Variants in PDZRN3 observed in about 807,000 individuals in gnomAD.
PDZRN3 encodes the protein E3 ubiquitin-protein ligase PDZRN3.
In PDZRN3, 38 loss-of-function variants were observed where a neutral mutation model predicts 85.7. The ratio of observed to expected loss-of-function variants is 0.44; its 90% CI spans 0.34 to 0.58. PDZRN3 has a LOEUF of 0.58. PDZRN3 is among the 20% of genes least tolerant of loss of function. PDZRN3 has a pLI of 0.01. For missense variants in PDZRN3, 1,629 were observed against 1,506.4 expected (o/e 1.08, Z -1.35); for synonymous variants, 759 against 638.0 (o/e 1.19, Z -2.86).
chr3:73,624,120 C>G lies in PDZRN3; in HGVS notation c.706G>C (p.Ala236Pro). 1.4e-6 allele frequency: 2 copies of G among 1,465,802 alleles called. No individual in the cohort carries two copies. The highest frequency in any genetic ancestry group is 1.8e-6 in the Non-Finnish European group (2 of 1,116,714). 90.8% of individuals were successfully genotyped at this position (1,465,802 alleles called of 1,614,324 possible). A position where few individuals can be genotyped will look rare whatever the true frequency, so the allele number is the denominator to read the frequency against. ...RLDSLSRCVAAPPGGKGEETK... is the reference protein window; with the variant it reads ...RLDSLSRCVAPPPGGKGEETK... ...GCGCCTACCTTGCCGCCGGGCGGCGCGGCCACGCAGCGGCTGAGCGAGTCG... is the reference window on the plus strand; with the variant it reads ...GCGCCTACCTTGCCGCCGGGCGGCGGGGCCACGCAGCGGCTGAGCGAGTCG... The change falls in exon 1 of 10, where the codon GCG (alanine) becomes CCG (proline). Residue 236 changes from alanine (A) to proline (P), a missense_variant. By Grantham distance (27) the Ala-to-Pro change is conservative. Coordinates refer to ENST00000263666, the MANE Select transcript of PDZRN3 (RefSeq NM_015009.3).
chr3:73,405,095 G>T (rs1271347123), intron 3 of PDZRN3, among the ~76,000 whole-genome samples: 1 of 152,164 alleles, frequency 6.6e-6, no homozygotes, highest in East Asian at 1.9e-4. Flanking sequence ...CCTCTCAACA[G>T]TTCTCTCATC....
At chr3:73,622,611 C>T (rs974526580) in intron 1 of PDZRN3, among the ~76,000 whole-genome samples, 2 of 152,162 alleles carry the variant, frequency 1.3e-5, no homozygotes, top group Non-Finnish European at 2.9e-5. Context: ...GCCAAGAATG[C>T]TGCTAAACAT....
chr3:73,591,507 T>A (rs530742483), intron 3 of PDZRN3, among the ~76,000 whole-genome samples: 2 of 152,316 alleles, frequency 1.3e-5, no homozygotes, highest in African/African-American at 4.8e-5. Flanking sequence ...AATGGTCTAC[T>A]CACAACTGTA....
At chr3:73,460,648 G>A (rs1186185398) in intron 3 of PDZRN3, among the ~76,000 whole-genome samples, 1 of 152,108 alleles carries the variant, frequency 6.6e-6, no homozygotes, top group African/African-American at 2.4e-5. Context: ...ATTGAATATA[G>A]CATGAAGGTG....
intron 3 of PDZRN3, among the ~76,000 whole-genome samples, chr3:73,536,267 G>A (rs1704783038): frequency 6.6e-6 from 1 of 152,228 alleles, no homozygotes; most frequent in Non-Finnish European, 1.5e-5. Context: ...TATCAAGAAT[G>A]AGCATTCTGA....
intron 3 of PDZRN3, among the ~76,000 whole-genome samples, chr3:73,503,406 T>C (rs949380949): frequency 6.6e-6 from 1 of 152,202 alleles, no homozygotes; most frequent in Non-Finnish European, 1.5e-5. Context: ...GCATTACACA[T>C]GAATATTTTT....
At chr3:73,396,206 C>T (rs1447356760) in intron 5 of PDZRN3, among the ~76,000 whole-genome samples, 2 of 151,502 alleles carry the variant, frequency 1.3e-5, no homozygotes, top group East Asian at 1.9e-4. Flanking sequence ...GACAGCAAGA[C>T]GCAGTCTCAA....
intron 3 of PDZRN3, among the ~76,000 whole-genome samples, chr3:73,471,048 G>A (rs1459325800): frequency 6.6e-6 from 1 of 152,186 alleles, no homozygotes; most frequent in Non-Finnish European, 1.5e-5. Flanking sequence ...CAGTCCTTCA[G>A]AATGTGACCT....
chr3:73,397,798 A>G (rs1196248210), intron 5 of PDZRN3, among the ~76,000 whole-genome samples: 3 of 152,230 alleles, frequency 2.0e-5, no homozygotes, highest in Non-Finnish European at 4.4e-5. Flanking sequence ...ACCTGGTGAC[A>G]TCTGAGTTGC....
intron 3 of PDZRN3, among the ~76,000 whole-genome samples, chr3:73,491,282 G>A (rs1274568838): frequency 6.6e-6 from 1 of 152,154 alleles, no homozygotes; most frequent in Admixed American, 6.5e-5. Flanking sequence ...ATGACTCAAT[G>A]GTTCACCAGG....
In PDZRN3 at chr3:73,624,516, G is replaced by A. The variant is rs560424567; in HGVS notation, c.310C>T (p.Arg104Cys). 1.1e-5 allele frequency: 16 copies of A among 1,459,130 alleles called. No homozygotes were observed. The highest frequency in any genetic ancestry group is 9.6e-5 in the South Asian group (7 of 73,136). 90.4% of individuals were successfully genotyped at this position (1,459,130 alleles called of 1,614,324 possible). Residue 104 changes from arginine to cysteine, a missense_variant, in exon 1 of 10, where the codon CGC (arginine) becomes TGC (cysteine). Transcript: ENST00000263666. ...CAGCGCGCGGGCGCGAAGTCGCAGC[G>A]CTCGAGGTGCTCCGGCAGCTGCTGC... is the stretch of plus-strand genomic sequence containing the variant. ...KLQQLPEHLE[R>C]CDFAPARCRH... is the part of the protein sequence containing the mutation.
chr3:73,619,001 G>C (rs1476893670), intron 1 of PDZRN3, among the ~76,000 whole-genome samples: 1 of 152,110 alleles, frequency 6.6e-6, no homozygotes, highest in Non-Finnish European at 1.5e-5. Context: ...AACACCTTTT[G>C]ATACAATTGT....
In PDZRN3 at chr3:73,390,869, G is replaced by A. The variant is rs894817791; in HGVS notation, c.1353+149C>T. ...TAGAACTTAACCTCCGTGGAAAGAT[G>A]CAGCGCCATGGAGTGTGATGAGGGG... On this transcript the variant is annotated intron_variant, in intron 6 of 9. Coordinates refer to ENST00000263666, the MANE Select transcript of PDZRN3 (RefSeq NM_015009.3). 15 of 554,102 alleles carry A rather than the reference G, an allele frequency of 2.7e-5. No homozygotes were observed. The Admixed American group carries it at 4.7e-4, about 17-fold the overall frequency. The allele number at this position is 554,102 out of a possible 1,614,324, so 34.3% of individuals were successfully genotyped here.
intron 3 of PDZRN3, among the ~76,000 whole-genome samples, chr3:73,517,346 G>A (rs1704273941): frequency 1.3e-5 from 2 of 152,072 alleles, no homozygotes; most frequent in Admixed American, 6.6e-5. Flanking sequence ...TTCCAAACAG[G>A]TCTTCTTTCT....
At chr3:73,407,246 A>G (rs1234192762) in intron 3 of PDZRN3, among the ~76,000 whole-genome samples, 3 of 152,156 alleles carry the variant, frequency 2.0e-5, no homozygotes, top group Non-Finnish European at 4.4e-5. Flanking sequence ...TTGCCTCTAG[A>G]CAAGTCATCT....
chr3:73,514,628 C>A (rs1405875414), intron 3 of PDZRN3, among the ~76,000 whole-genome samples: 1 of 152,182 alleles, frequency 6.6e-6, no homozygotes, highest in Non-Finnish European at 1.5e-5. Context: ...TCTCATCAGG[C>A]ACCTAGCCAA....
intron 3 of PDZRN3, among the ~76,000 whole-genome samples, chr3:73,474,139 T>C (rs1703402411): frequency 6.6e-6 from 1 of 152,176 alleles, no homozygotes; most frequent in African/African-American, 2.4e-5. Context: ...AGTATCTTCT[T>C]TGGGGGAAAA....
intron 3 of PDZRN3, among the ~76,000 whole-genome samples, chr3:73,506,599 T>C (rs1365067034): frequency 6.6e-6 from 1 of 152,106 alleles, no homozygotes; most frequent in Non-Finnish European, 1.5e-5. Flanking sequence ...CCCTGTATTA[T>C]GGAAGGGGCA....
At chr3:73,526,193 G>A (rs560825490) in intron 3 of PDZRN3, among the ~76,000 whole-genome samples, 3 of 152,090 alleles carry the variant, frequency 2.0e-5, no homozygotes, top group African/African-American at 7.2e-5. Flanking sequence ...CACTTAATAC[G>A]CTCTCTGGTA....
Sources: gnomAD v4.1 joint callset for allele counts (sites outside exome capture counted in the v4.1 genomes callset) on GRCh38, gnomAD v4.1.1 for gene constraint, MANE v1.5 for transcripts, NCBI Gene and HGNC (gene_info 2026-07-23, HGNC 2026-07-21) for gene names.